The following PIGN variants were observed in gnomAD, a reference collection of about 807,000 sequenced individuals.
The protein encoded by PIGN is phosphatidylinositol glycan anchor biosynthesis class N.
Under a neutral mutation model 125.4 loss-of-function variants are expected in PIGN, and 117 were observed. The observed-to-expected ratio is 0.93, with a 90% CI of 0.80 to 1.09. The LOEUF is 1.09. Ranked by LOEUF, PIGN falls within the 50% of genes least tolerant of loss-of-function variation. PIGN has a pLI of 0.00. For synonymous variants in PIGN, 392 were observed against 377.8 expected (o/e 1.04, Z -0.44); for missense variants, 1,075 against 1,094.9 (o/e 0.98, Z 0.26).
chr18:62,070,400 T>C (rs1409669425), intron 30 of PIGN: 3 of 398,476 alleles, frequency 7.5e-6, no homozygotes, highest in Admixed American at 8.8e-5. Context: ...CAAGCACGTA[T>C]GGCATGTAAG....
intron 23 of PIGN, among the ~76,000 whole-genome samples, chr18:62,027,457 T>C (rs1820984875): frequency 6.6e-6 from 1 of 152,132 alleles, no homozygotes; most frequent in African/African-American, 2.4e-5. Context: ...CCAATCAAGA[T>C]ATGTAAGATG....
intron 1 of PIGN, among the ~76,000 whole-genome samples, chr18:62,172,543 A>G (rs1049786618): frequency 1.1e-4 from 16 of 152,168 alleles, no homozygotes; most frequent in Non-Finnish European, 1.8e-4. Flanking sequence ...TACTTAACTT[A>G]TAAGTACATT....
chr18:62,155,871 A>G (rs1322469541), intron 6 of PIGN, among the ~76,000 whole-genome samples: 1 of 152,220 alleles, frequency 6.6e-6, no homozygotes, highest in Non-Finnish European at 1.5e-5. Flanking sequence ...CTTTCCAAAG[A>G]AGGCAATATA....
intron 6 of PIGN, among the ~76,000 whole-genome samples, chr18:62,156,037 T>A (rs879923617): frequency 1.9e-4 from 29 of 152,224 alleles, no homozygotes; most frequent in African/African-American, 6.0e-4. Context: ...CTAAGTATGT[T>A]ACAAATCCTT....
chr18:62,169,844 A>T (rs938712997), intron 1 of PIGN, among the ~76,000 whole-genome samples: 1 of 151,988 alleles, frequency 6.6e-6, no homozygotes, highest in Non-Finnish European at 1.5e-5. Context: ...GCTGGTCTCG[A>T]ACTCCTGGGT....
intron 7 of PIGN, among the ~76,000 whole-genome samples, chr18:62,149,543 T>G (rs528136106): frequency 6.6e-6 from 1 of 152,324 alleles, no homozygotes; most frequent in Non-Finnish European, 1.5e-5. Flanking sequence ...TATCCTATCC[T>G]TTCTTGCAGC....
chr18:62,091,866 C>A (rs2033977147), intron 23 of PIGN, among the ~76,000 whole-genome samples: 1 of 152,192 alleles, frequency 6.6e-6, no homozygotes, highest in Admixed American at 6.5e-5. Flanking sequence ...TGTCTCATTA[C>A]CACTGCTGGC....
chr18:62,127,988 C>G (rs1222043791), intron 14 of PIGN, among the ~76,000 whole-genome samples: 1 of 152,110 alleles, frequency 6.6e-6, no homozygotes, highest in African/African-American at 2.4e-5. Context: ...ACATGGAAAA[C>G]ATACCAACAA....
chr18:62,031,301 T>C (rs1343014135), intron 23 of PIGN, among the ~76,000 whole-genome samples: 1 of 152,220 alleles, frequency 6.6e-6, no homozygotes, highest in Non-Finnish European at 1.5e-5. Flanking sequence ...CTGTGAGCTC[T>C]TTCCTTTATA....
chr18:62,148,284 C>A lies in PIGN; in HGVS notation c.604G>T (p.Glu202Ter). The change falls in exon 8 of 31, where the codon GAG becomes TAG. Residue 202 changes from glutamate to a stop codon, truncating the protein, a stop_gained. Coordinates refer to ENST00000640252, the MANE Select transcript of PIGN (RefSeq NM_176787.5). LOFTEE classifies it high-confidence loss of function. Reference sequence around the variant, plus strand: ...AAATGTAAGAAAAAAACTATTTTCTCTTCATTTATTTTAGAAAACAAAGAC... The same window carrying A: ...AAATGTAAGAAAAAAACTATTTTCTATTCATTTATTTTAGAAAACAAAGAC... ...NQSLFSKINE[E>*]KIVFFLHLLG... is the part of the protein sequence containing the mutation. 3 of 1,532,612 alleles carry A rather than the reference C, an allele frequency of 2.0e-6. No homozygotes were observed. In the South Asian group the frequency reaches 3.7e-5, roughly 19 times the overall value. 94.9% of individuals were successfully genotyped at this position (1,532,612 alleles called of 1,614,324 possible).
At chr18:62,071,708 G>C (rs1458698986) in intron 30 of PIGN, among the ~76,000 whole-genome samples, 2 of 151,674 alleles carry the variant, frequency 1.3e-5, no homozygotes, top group Non-Finnish European at 2.9e-5. Context: ...TGATGCTGGT[G>C]TGAACAAACC....
chr18:62,072,333 C>G (rs1328044157), intron 30 of PIGN: 1 of 172,660 alleles, frequency 5.8e-6, no homozygotes, highest in Non-Finnish European at 1.2e-5. Context: ...AGAACAACTT[C>G]CAGTCCTGCA....
rs1449173636 is a variant in PIGN, at chr18:62,133,881, C to G, written c.1172+4362G>C. ...GGCATAATAACTCTTTTTCATTTCT[C>G]AGTTCACCAACCCAGACCAAAAACT... On this transcript the variant is annotated intron_variant, in intron 14 of 30. Transcript: ENST00000640252. 3.9e-5 allele frequency among the ~76,000 whole-genome samples: 6 copies of G among 152,262 alleles called. No individual in the cohort carries two copies. The East Asian group carries it at 1.2e-3, about 29-fold the overall frequency.
chr18:62,113,229 C>T lies in PIGN; in HGVS notation c.1339G>A (p.Val447Ile), dbSNP rs1199558615. The T allele has an allele frequency of 6.2e-7, 1 of 1,612,966 alleles. No homozygotes were observed. Among genetic ancestry groups the T allele is most frequent in the South Asian group, 1.1e-5 (1 of 91,036 alleles). Residue 447 changes from valine (V) to isoleucine (I), a missense_variant, in exon 16 of 31, where the codon GTT (valine) becomes ATT (isoleucine). By Grantham distance (29) the Val-to-Ile change is conservative. Coordinates refer to ENST00000640252, the MANE Select transcript of PIGN (RefSeq NM_176787.5). ...ATCCATCCCACAAAACCAATAACAA[C>T]ATTGACGCCCAAAAAGAATCTGTCA... is the stretch of plus-strand genomic sequence containing the variant. ...TYDRFFLGVN[V>I]VIGFVGWISY...
At chr18:62,104,017 T>C (rs2034546004) in intron 20 of PIGN, among the ~76,000 whole-genome samples, 1 of 152,134 alleles carries the variant, frequency 6.6e-6, no homozygotes, top group Non-Finnish European at 1.5e-5. Context: ...TTTAATTGTA[T>C]CCTTAAATGT....
chr18:62,179,670 CCG>C (rs2037648782), intron 1 of PIGN, among the ~76,000 whole-genome samples: 1 of 152,098 alleles, frequency 6.6e-6, no homozygotes, highest in African/African-American at 2.4e-5. Flanking sequence ...TGCTTGAACC[CCG>C]GAGATCGAGG....
At chr18:62,030,208 T>C (rs552236065) in intron 23 of PIGN, among the ~76,000 whole-genome samples, 1 of 152,352 alleles carries the variant, frequency 6.6e-6, no homozygotes, top group East Asian at 1.9e-4. Flanking sequence ...CACTCTGAGA[T>C]GCAGAGAATG....
chr18:62,106,073 TA>T lies in PIGN; in HGVS notation c.1768-440del, dbSNP rs763543109. Among the ~76,000 whole-genome samples the T allele has an allele frequency of 1.1e-4, 16 of 152,268 alleles. 1 individual carries two copies. The East Asian group carries it at 1.7e-3, about 17-fold the overall frequency. On this transcript the variant is annotated intron_variant, in intron 19 of 30. Coordinates refer to ENST00000640252, the MANE Select transcript of PIGN (RefSeq NM_176787.5). The stretch of plus-strand genomic sequence containing the variant: ...GACCATATATTGATGAAGACATCTA[TA>T]AAAAAGGTGGCCTACAATAATCACC...
chr18:62,164,697 A>G (rs2037069680), intron 1 of PIGN, among the ~76,000 whole-genome samples: 1 of 152,174 alleles, frequency 6.6e-6, no homozygotes, highest in Non-Finnish European at 1.5e-5. Flanking sequence ...CATATCACAC[A>G]GTAATACATA....
Sources: gnomAD v4.1 joint callset for allele counts (sites outside exome capture counted in the v4.1 genomes callset) on GRCh38, gnomAD v4.1.1 for gene constraint, MANE v1.5 for transcripts, NCBI Gene and HGNC (gene_info 2026-07-23, HGNC 2026-07-21) for gene names.